INVS: variants seen among roughly 807,000 people sequenced by gnomAD.
The protein encoded by INVS is inversin, also known as inversion of embryo turning homolog.
A neutral mutation model predicts 108.8 loss-of-function variants in INVS; 86 were observed. The ratio of observed to expected loss-of-function variants is 0.79; its 90% CI spans 0.66 to 0.95. The LOEUF (loss-of-function observed/expected upper bound fraction) is 0.95, where lower values mean the gene tolerates loss of function less well. INVS is among the 40% of genes least tolerant of loss of function. INVS has a pLI of 0.00. For missense variants in INVS, 1,169 were observed against 1,297.4 expected, an observed-to-expected ratio of 0.90 and a Z score of 1.52; for synonymous variants, 455 against 473.5, an observed-to-expected ratio of 0.96 and a Z score of 0.51.
At chr9:100,236,352 T>C (rs1232403870) in intron 5 of INVS, among the ~76,000 whole-genome samples, 1 of 152,230 alleles carries the variant, frequency 6.6e-6, no homozygotes, top group African/African-American at 2.4e-5. Context: ...GAAGTCTTCT[T>C]CTGTCAATTC....
In INVS at chr9:100,302,135, C is replaced by A; in HGVS notation, c.*1461C>A. 9.4e-7 allele frequency: 1 copy of A among 1,062,302 alleles called. No individual in the cohort carries two copies. The highest frequency in any genetic ancestry group is 1.3e-6 in the Non-Finnish European group (1 of 750,324). The allele number at this position is 1,062,302 out of a possible 1,614,324, so 65.8% of individuals were successfully genotyped here. ...AAAGATCTATTACATCAGTCTTTTT[C>A]TTCAAATAAGATAGATGTGAATAAA... On this transcript the variant is annotated 3_prime_UTR_variant, in exon 17 of 17. Coordinates refer to ENST00000262457, the MANE Select transcript of INVS (RefSeq NM_014425.5).
chr9:100,242,936 T>C (rs1831927039), intron 7 of INVS, among the ~76,000 whole-genome samples: 1 of 152,230 alleles, frequency 6.6e-6, no homozygotes, highest in African/African-American at 2.4e-5. Flanking sequence ...CCTGATCTTA[T>C]TCAGCTTTGC....
intron 10 of INVS, among the ~76,000 whole-genome samples, chr9:100,259,471 A>G (rs1364690249): frequency 6.6e-6 from 1 of 151,926 alleles, no homozygotes; most frequent in Non-Finnish European, 1.5e-5. Flanking sequence ...TCAGTTGGAA[A>G]TGCAGAAATC....
At chr9:100,140,998 C>A (rs999997430) in intron 3 of INVS, among the ~76,000 whole-genome samples, 2 of 152,116 alleles carry the variant, frequency 1.3e-5, no homozygotes, top group Admixed American at 1.3e-4. Flanking sequence ...TTATTTACTT[C>A]AAGAGTTAAG....
chr9:100,268,749 A>G (rs1209230078), intron 11 of INVS, among the ~76,000 whole-genome samples: 3 of 152,228 alleles, frequency 2.0e-5, no homozygotes, highest in Non-Finnish European at 2.9e-5. Context: ...TTTAAGATAT[A>G]ATTTTCAATC....
chr9:100,130,647 C>G (rs534801692), intron 3 of INVS: 70 of 152,262 alleles, frequency 4.6e-4, no homozygotes, highest in African/African-American at 1.5e-3. Context: ...TATCAAATAT[C>G]CTTTCCAAGT....
chr9:100,286,812 A>C (rs182620419), intron 13 of INVS, among the ~76,000 whole-genome samples: 1 of 152,072 alleles, frequency 6.6e-6, no homozygotes. Flanking sequence ...TGTTCAACCA[A>C]TATCTCCCCG....
chr9:100,298,895 C>T (rs1247849318), intron 16 of INVS, among the ~76,000 whole-genome samples: 3 of 152,040 alleles, frequency 2.0e-5, no homozygotes, highest in Non-Finnish European at 2.9e-5. Flanking sequence ...ACAAAAAAAC[C>T]CCTTTCATTA....
chr9:100,099,342 G>A lies in INVS; in HGVS notation c.-99G>A, dbSNP rs1408094877. On this transcript the variant is annotated 5_prime_UTR_variant, in exon 1 of 17. Coordinates refer to ENST00000262457, the MANE Select transcript of INVS (RefSeq NM_014425.5). Reference sequence around the variant, plus strand: ...CTGGCTGGATATAGTGTACCGGCCCGGCAGGAGGGGCGGCCCGGTCCGGGT... The same window carrying A: ...CTGGCTGGATATAGTGTACCGGCCCAGCAGGAGGGGCGGCCCGGTCCGGGT... 6.5e-6 allele frequency: 1 copy of A among 153,032 alleles called. No homozygotes were observed. Among genetic ancestry groups the A allele is most frequent in the East Asian group, 1.9e-4 (1 of 5,176 alleles). The allele number at this position is 153,032 out of a possible 1,614,324, so 9.5% of individuals were successfully genotyped here.
At chr9:100,177,178 C>T (rs1196709589) in intron 3 of INVS, among the ~76,000 whole-genome samples, 1 of 152,028 alleles carries the variant, frequency 6.6e-6, no homozygotes, top group Non-Finnish European at 1.5e-5. Flanking sequence ...CCCTGGGTTT[C>T]AAGCAAAAAA....
intron 3 of INVS, 51 bp from the exon 4 acceptor site, chr9:100,226,011 T>G (rs1012910834): frequency 7.3e-7 from 1 of 1,360,630 alleles, no homozygotes; most frequent in Non-Finnish European, 1.0e-6. Context: ...TTAAAAAAAA[T>G]TTTGACCCCA....
intron 3 of INVS, among the ~76,000 whole-genome samples, chr9:100,214,145 T>A (rs1221541911): frequency 6.6e-6 from 1 of 152,218 alleles, no homozygotes; most frequent in Admixed American, 6.5e-5. Flanking sequence ...AATATTGGTA[T>A]CAACTATGTC....
At chr9:100,198,540 C>G (rs1305218958) in intron 3 of INVS, among the ~76,000 whole-genome samples, 7 of 151,304 alleles carry the variant, frequency 4.6e-5, no homozygotes. Flanking sequence ...ATCCGCCCTC[C>G]TCAGCCTCCC....
chr9:100,257,979 C>T (rs1241989943), intron 10 of INVS, among the ~76,000 whole-genome samples: 4 of 152,170 alleles, frequency 2.6e-5, no homozygotes, highest in African/African-American at 4.8e-5. Flanking sequence ...GGGAAGTTCT[C>T]CTGGATAATA....
At chr9:100,133,802 C>CACACACACACACACAT in intron 3 of INVS, among the ~76,000 whole-genome samples, 1 of 148,172 alleles carries the variant, frequency 6.7e-6, no homozygotes, top group Non-Finnish European at 1.5e-5. Context: ...CACACACACA[C>CACACACACACACACAT]ACATACACAC....
At position 100,214,700 on chromosome 9, in the gene INVS, T is replaced by G. The variant is rs1588093974; in HGVS notation, c.274-11362T>G. 2.0e-5 allele frequency among the ~76,000 whole-genome samples: 3 copies of G among 152,316 alleles called. No individual in the cohort carries two copies. The South Asian group carries it at 6.2e-4, about 32-fold the overall frequency. ...ATGGTATCAAGCACAGCAAAAGAAT[T>G]AAGAACCACCAATGCCCATGTGAAT... On this transcript the variant is annotated intron_variant, in intron 3 of 16. Coordinates refer to ENST00000262457, the MANE Select transcript of INVS (RefSeq NM_014425.5).
intron 12 of INVS, 91 bp from the exon 13 acceptor site, chr9:100,284,229 G>A (rs2118723597): frequency 6.9e-7 from 1 of 1,441,894 alleles, no homozygotes. Context: ...CTGTGATGTA[G>A]TAGCTCCTCT....
chr9:100,243,074 T>C (rs1831930230), intron 7 of INVS, among the ~76,000 whole-genome samples: 1 of 152,200 alleles, frequency 6.6e-6, no homozygotes. Flanking sequence ...ACATCTGAAG[T>C]TTTATACAGA....
intron 11 of INVS, among the ~76,000 whole-genome samples, chr9:100,267,161 T>A (rs184607813): frequency 2.6e-5 from 4 of 152,324 alleles, no homozygotes; most frequent in South Asian, 4.1e-4. Context: ...TGAAATTTTT[T>A]AACTCAATTT....
Sources: allele counts gnomAD v4.1 joint callset (sites outside exome capture counted in the v4.1 genomes callset), GRCh38; gene constraint gnomAD v4.1.1; transcripts MANE v1.5; gene names NCBI Gene and HGNC (gene_info 2026-07-23, HGNC 2026-07-21).